Variants in PDGFD observed in about 807,000 individuals in gnomAD.
The protein encoded by PDGFD is platelet-derived growth factor D.
In PDGFD, 30 loss-of-function variants were observed where a neutral mutation model predicts 44.7. That is an observed-to-expected ratio of 0.67 (90% confidence interval 0.50 to 0.91). PDGFD has a LOEUF of 0.91. Among genes scored for constraint, PDGFD ranks in the 40% least tolerant of loss-of-function variants. The pLI is 0.00. For synonymous variants in PDGFD, 173 were observed against 168.4 expected, an observed-to-expected ratio of 1.03 and a Z score of -0.21; for missense variants, 445 against 457.8, an observed-to-expected ratio of 0.97 and a Z score of 0.25.
chr11:103,959,339 A>G (rs1488240166), intron 3 of PDGFD, among the ~76,000 whole-genome samples: 1 of 152,224 alleles, frequency 6.6e-6, no homozygotes, highest in Admixed American at 6.5e-5. Context: ...AAATGAAAAC[A>G]AGTAATTCAA....
intron 1 of PDGFD, among the ~76,000 whole-genome samples, chr11:104,000,932 A>G (rs1859610468): frequency 6.6e-6 from 1 of 152,046 alleles, no homozygotes; most frequent in Non-Finnish European, 1.5e-5. Context: ...AAACCCTTGG[A>G]ATTTCTCACG....
intron 6 of PDGFD, among the ~76,000 whole-genome samples, chr11:103,917,025 A>G (rs562947968): frequency 1.6e-4 from 24 of 152,218 alleles, no homozygotes; most frequent in Admixed American, 4.6e-4. Flanking sequence ...ACCATGGCAC[A>G]TGTATACCTA....
chr11:104,026,293 T>G (rs978145866), intron 1 of PDGFD, among the ~76,000 whole-genome samples: 5 of 152,240 alleles, frequency 3.3e-5, no homozygotes, highest in African/African-American at 1.2e-4. Context: ...CAACAGGGAA[T>G]TAATTGTCTA....
chr11:103,988,242 A>T (rs1425212303), intron 3 of PDGFD, among the ~76,000 whole-genome samples: 7 of 152,102 alleles, frequency 4.6e-5, no homozygotes. Context: ...TTATATGCAT[A>T]TAAAGAGGCA....
At chr11:104,086,306 TAAAAAGCCTGGAGG>T (rs1489768716) in intron 1 of PDGFD, among the ~76,000 whole-genome samples, 1 of 152,174 alleles carries the variant, frequency 6.6e-6, no homozygotes, top group Admixed American at 6.5e-5. Flanking sequence ...CTCGTCTATG[TAAAAAGCCTGGAGG>T]AACAGCATGT....
chr11:103,939,013 G>C (rs554564970), intron 5 of PDGFD, among the ~76,000 whole-genome samples: 1 of 152,232 alleles, frequency 6.6e-6, no homozygotes, highest in South Asian at 2.1e-4. Context: ...TGTTCTTTTG[G>C]CTTAGGATTG....
chr11:104,018,009 T>C (rs528125478), intron 1 of PDGFD, among the ~76,000 whole-genome samples: 3 of 152,304 alleles, frequency 2.0e-5, no homozygotes, highest in East Asian at 3.9e-4. Context: ...CCTTATGCTA[T>C]GATAAATGGG....
At chr11:104,038,472 T>G (rs1415807370) in intron 1 of PDGFD, 1 of 176,820 alleles carries the variant, frequency 5.7e-6, no homozygotes, top group Non-Finnish European at 1.4e-5. Context: ...TCACAGGTTT[T>G]GTTTTCTTTG....
chr11:104,083,646 C>A (rs149779757), intron 1 of PDGFD, among the ~76,000 whole-genome samples: 1 of 152,174 alleles, frequency 6.6e-6, no homozygotes, highest in Non-Finnish European at 1.5e-5. Flanking sequence ...TTATCTTGAT[C>A]TAATTAGCCC....
At chr11:103,982,665 C>A (rs1323267788) in intron 3 of PDGFD, among the ~76,000 whole-genome samples, 1 of 151,688 alleles carries the variant, frequency 6.6e-6, no homozygotes, top group African/African-American at 2.4e-5. Context: ...ATCTAGAAAA[C>A]CCCATCATCT....
intron 1 of PDGFD, among the ~76,000 whole-genome samples, chr11:104,030,770 A>AGG (rs1358286791): frequency 1.2e-4 from 19 of 152,296 alleles, no homozygotes; most frequent in Admixed American, 8.5e-4. Flanking sequence ...GAACCCAGAC[A>AGG]GGTACACTAT....
chr11:104,119,529 ATATAAT>A lies in PDGFD; in HGVS notation c.124+44269_124+44274del, dbSNP rs1861726314. 1.7e-4 allele frequency among the ~76,000 whole-genome samples: 2 copies of A among 11,728 alleles called. 1 individual carries two copies. The highest frequency in any genetic ancestry group is 3.5e-4 in the African/African-American group (2 of 5,778). The allele number at this position is 11,728 out of a possible 152,430, so 7.7% of individuals were successfully genotyped here. A position where few individuals can be genotyped will look rare whatever the true frequency, so the allele number is the denominator to read the frequency against. On this transcript the variant is annotated intron_variant, in intron 1 of 6. Transcript: ENST00000393158. Reference sequence around the variant, plus strand: ...TATAATATATTAATATAATATATTGATATAATATATAATATAATATATTGATATAAT... The same window carrying A: ...TATAATATATTAATATAATATATTGAATATAATATAATATATTGATATAAT...
intron 1 of PDGFD, among the ~76,000 whole-genome samples, chr11:104,102,775 G>A (rs1409399315): frequency 6.6e-6 from 1 of 152,148 alleles, no homozygotes; most frequent in Admixed American, 6.5e-5. Flanking sequence ...CATGTCCTTT[G>A]TAGGGACATG....
chr11:104,001,030 G>A (rs1174126828), intron 1 of PDGFD, among the ~76,000 whole-genome samples: 1 of 152,130 alleles, frequency 6.6e-6, no homozygotes, highest in East Asian at 1.9e-4. Context: ...TGGGCCCACA[G>A]ATAACTTTAG....
At chr11:104,126,721 C>CAGAGGTTG (rs1861846417) in intron 1 of PDGFD, among the ~76,000 whole-genome samples, 1 of 152,132 alleles carries the variant, frequency 6.6e-6, no homozygotes, top group African/African-American at 2.4e-5. Context: ...TCTCTGCTAG[C>CAGAGGTTG]AGAGGTTGAG....
chr11:104,038,035 C>A, intron 1 of PDGFD: 1 of 1,593,438 alleles, frequency 6.3e-7, no homozygotes, highest in South Asian at 1.1e-5. Flanking sequence ...AATATGTTAC[C>A]ACCTTGAGGG....
In PDGFD at chr11:103,957,185, G is replaced by A. The variant is rs963440869; in HGVS notation, c.511-9461C>T. On this transcript the variant is annotated intron_variant, in intron 3 of 6. Transcript: ENST00000393158. ...TAGGTTTTCTTCTAGGGTTTTTATG[G>A]TTTTAGGTCTAACGTTTAAGTCTTT... Among the ~76,000 whole-genome samples, 648 of 152,224 alleles carry A rather than the reference G, an allele frequency of 4.3e-3. 3 individuals carry two copies. The highest frequency in any genetic ancestry group is 0.015 in the African/African-American group (626 of 41,528).
chr11:104,024,357 T>C (rs146952157), intron 1 of PDGFD, among the ~76,000 whole-genome samples: 2 of 152,232 alleles, frequency 1.3e-5, no homozygotes, highest in African/African-American at 4.8e-5. Flanking sequence ...TCAGAGTACA[T>C]GAATTTTCTT....
intron 1 of PDGFD, among the ~76,000 whole-genome samples, chr11:104,056,693 C>A (rs1176209783): frequency 2.0e-5 from 3 of 152,094 alleles, no homozygotes; most frequent in Non-Finnish European, 4.4e-5. Context: ...AGCTTGTTAT[C>A]AAAAATTACA....
Sources: allele counts gnomAD v4.1 joint callset (sites outside exome capture counted in the v4.1 genomes callset), GRCh38; gene constraint gnomAD v4.1.1; transcripts MANE v1.5; gene names NCBI Gene and HGNC (gene_info 2026-07-23, HGNC 2026-07-21).